Variants in TAF11 observed in about 807,000 individuals in gnomAD.
The protein encoded by TAF11 is transcription initiation factor TFIID subunit 11.
Under a neutral mutation model 23.0 loss-of-function variants are expected in TAF11, and 10 were observed. That is an observed-to-expected ratio of 0.43 (90% CI 0.27 to 0.74). The LOEUF (loss-of-function observed/expected upper bound fraction) is 0.74. Ranked by LOEUF, TAF11 falls within the 30% of genes least tolerant of loss-of-function variation. TAF11 has a pLI of 0.19. For missense variants in TAF11, 196 were observed against 261.7 expected, an observed-to-expected ratio of 0.75 and a Z score of 1.73; for synonymous variants, 85 against 95.8, an observed-to-expected ratio of 0.89 and a Z score of 0.66.
intron 2 of TAF11, among the ~76,000 whole-genome samples, chr6:34,881,744 T>G (rs1766429183): frequency 6.6e-6 from 1 of 152,166 alleles, no homozygotes; most frequent in South Asian, 2.1e-4. Context: ...TCGCCCAGGC[T>G]GGAGTGCAGT....
intron 4 of TAF11, chr6:34,879,489 T>C (rs1766379502): frequency 3.1e-6 from 3 of 975,528 alleles, no homozygotes; most frequent in Admixed American, 1.2e-4. Flanking sequence ...ATAATAATAA[T>C]TTAAAAGTAT....
Position 34,882,971 on chromosome 6 carries a change from TTC to T in TAF11, c.279_280del (p.Lys95AlafsTer5). 6.2e-7 allele frequency: 1 copy of T among 1,610,206 alleles called. No individual in the cohort carries two copies. Among genetic ancestry groups the T allele is most frequent in the Non-Finnish European group, 8.5e-7 (1 of 1,178,936 alleles). On this transcript the variant is annotated frameshift_variant, in exon 2 of 5. Transcript: ENST00000361288. LOFTEE classifies it high-confidence loss of function. ...CTCATCTTCATCTACTTTCTGCTTT[TTC>T]TCTTTCTTTTCTTTGGTATCTATTT...
At chr6:34,886,983 T>TA (rs1194737259) in intron 1 of TAF11, among the ~76,000 whole-genome samples, 2 of 152,018 alleles carry the variant, frequency 1.3e-5, no homozygotes, top group African/African-American at 4.8e-5. Context: ...GAACTCTCTG[T>TA]AGCATAAAAA....
chr6:34,883,685 C>T (rs1766484966), intron 1 of TAF11, among the ~76,000 whole-genome samples: 1 of 152,018 alleles, frequency 6.6e-6, no homozygotes, highest in African/African-American at 2.4e-5. Flanking sequence ...TTTATATCTC[C>T]CCCCCATCAG....
chr6:34,887,706 G>A, intron 1 of TAF11, 81 bp downstream of exon 1: 1 of 1,552,078 alleles, frequency 6.4e-7, no homozygotes, highest in African/African-American at 1.4e-5. Context: ...AACTTGTTAG[G>A]GACTAACCAG....
chr6:34,881,218 G>C (rs1388623839), intron 2 of TAF11, among the ~76,000 whole-genome samples: 1 of 152,062 alleles, frequency 6.6e-6, no homozygotes, highest in Non-Finnish European at 1.5e-5. Flanking sequence ...TATAGGGATT[G>C]GTTAAATTAT....
Position 34,878,672 on chromosome 6 carries a change from T to C in TAF11, c.554A>G (p.Lys185Arg), listed in dbSNP as rs200527048. 4 of 1,614,120 alleles carry C rather than the reference T, an allele frequency of 2.5e-6. No individual in the cohort carries two copies. The highest frequency in any genetic ancestry group is 3.4e-6 in the Non-Finnish European group (4 of 1,179,998). Residue 185 changes from lysine to arginine, a missense_variant, in exon 5 of 5, where the codon AAA becomes AGA. Physicochemically the swap from Lys to Arg is conservative, Grantham distance 26 (BLOSUM62 2). Transcript: ENST00000361288. ...KWGEMPPLQP[K>R]HMREAVRRLK... ...CCTTCTAACGGCTTCCCTCATATGT[T>C]TGGGTTGTAGTGGTGGCATTTCTCC...
At chr6:34,879,778 T>G (rs772460076) in intron 4 of TAF11, 189 bp downstream of exon 4, 41 of 985,310 alleles carry the variant, frequency 4.2e-5, no homozygotes, top group Non-Finnish European at 4.9e-5. Context: ...AGATGGTTCC[T>G]TACCATCTGT....
At chr6:34,881,155 G>A (rs1766417032) in intron 2 of TAF11, among the ~76,000 whole-genome samples, 1 of 152,120 alleles carries the variant, frequency 6.6e-6, no homozygotes, top group African/African-American at 2.4e-5. Context: ...GCAAAGATAT[G>A]TCCAAAGATC....
In TAF11 at chr6:34,882,542, G is replaced by C. The variant is rs544856310; in HGVS notation, c.320+390C>G. 2.2e-4 allele frequency among the ~76,000 whole-genome samples: 34 copies of C among 152,058 alleles called. No individual in the cohort carries two copies. In the South Asian group the frequency reaches 7.1e-3, roughly 32 times the overall value. On this transcript the variant is annotated intron_variant, in intron 2 of 4. Coordinates refer to ENST00000361288, the MANE Select transcript of TAF11 (RefSeq NM_005643.4). ...GCCTGTAGTCCCAGCTACTCGGGAG[G>C]CTGAGGCATGAGAATCGTTTGAACT...
chr6:34,880,063 G>C lies in TAF11; in HGVS notation c.409C>G (p.Leu137Val). Residue 137 changes from leucine (L) to valine (V), a missense_variant and splice_region_variant, in exon 4 of 5, where the codon CTG (leucine) becomes GTG (valine). Leu to Val is a conservative substitution (Grantham distance 32). Coordinates refer to ENST00000361288, the MANE Select transcript of TAF11 (RefSeq NM_005643.4). This position sits in a 1 kb window ranked among gnomAD's most constrained non-coding sequence, Gnocchi z 4.8. ...GAGGTGCCAGTGATGGACTGGATCA[G>C]CTTGAAAGAAGCACAAAGACTCCGT... ...SAFPKAAIKR[L>V]IQSITGTSVS... 1.2e-6 allele frequency: 2 copies of C among 1,613,868 alleles called. No individual in the cohort carries two copies. Among genetic ancestry groups the C allele is most frequent in the Non-Finnish European group, 1.7e-6 (2 of 1,179,852 alleles).
chr6:34,886,854 C>T (rs1399404761), intron 1 of TAF11, among the ~76,000 whole-genome samples: 1 of 152,176 alleles, frequency 6.6e-6, no homozygotes, highest in Non-Finnish European at 1.5e-5. Context: ...ATCTACTGTT[C>T]ACCCACGATC....
At chr6:34,887,520 A>G (rs1382655215) in intron 1 of TAF11, among the ~76,000 whole-genome samples, 1 of 152,154 alleles carries the variant, frequency 6.6e-6, no homozygotes. Context: ...ACCAAAGCCA[A>G]CGGGCTATTA....
chr6:34,883,272 A>G, intron 1 of TAF11, 192 bp from the exon 2 acceptor site: 1 of 505,120 alleles, frequency 2.0e-6, no homozygotes, highest in Non-Finnish European at 3.3e-6. Flanking sequence ...TCAGCTATGG[A>G]AAGAAAACCT....
At chr6:34,882,856 A>G in intron 2 of TAF11, 76 bp downstream of exon 2, 2 of 1,480,012 alleles carry the variant, frequency 1.4e-6, no homozygotes, top group South Asian at 2.9e-5. Context: ...GAAAATTTAA[A>G]CACCAAGAAA....
intron 1 of TAF11, among the ~76,000 whole-genome samples, chr6:34,885,581 A>G (rs1356229361): frequency 6.6e-6 from 1 of 152,200 alleles, no homozygotes; most frequent in African/African-American, 2.4e-5. Context: ...GAAACAACAT[A>G]ATTTTATCCT....
At chr6:34,878,811 T>C (rs1766363569) in intron 4 of TAF11, 91 bp from the exon 5 acceptor site, 2 of 1,167,338 alleles carry the variant, frequency 1.7e-6, no homozygotes, top group South Asian at 1.3e-5. Flanking sequence ...TGTTAACTTT[T>C]CTTAAGCTTG....
intron 2 of TAF11, among the ~76,000 whole-genome samples, chr6:34,881,230 G>A (rs1766418701): frequency 6.6e-6 from 1 of 152,034 alleles, no homozygotes; most frequent in Non-Finnish European, 1.5e-5. Context: ...TTAAATTATA[G>A]TTCAACAACA....
intron 1 of TAF11, among the ~76,000 whole-genome samples, chr6:34,885,718 A>T (rs1206023784): frequency 1.3e-5 from 2 of 152,228 alleles, no homozygotes; most frequent in African/African-American, 4.8e-5. Context: ...TGCCACCTGT[A>T]ATCTTAGCAC....
Sources: allele counts gnomAD v4.1 joint callset (sites outside exome capture counted in the v4.1 genomes callset), GRCh38; gene constraint gnomAD v4.1.1; non-coding constraint Gnocchi (gnomAD v3.1); transcripts MANE v1.5; gene names NCBI Gene and HGNC (gene_info 2026-07-23, HGNC 2026-07-21).